The following SOX5 variants were observed in gnomAD, a reference collection of about 807,000 sequenced individuals.
SOX5 encodes the protein transcription factor SOX-5.
Under a neutral mutation model 92.0 loss-of-function variants are expected in SOX5, and 9 were observed. The observed-to-expected ratio is 0.10, with a 90% CI of 0.06 to 0.17. The LOEUF (loss-of-function observed/expected upper bound fraction) is 0.17. Ranked by LOEUF, SOX5 falls within the 10% of genes least tolerant of loss-of-function variation. The pLI is 1.00. For synonymous variants in SOX5, 344 were observed against 336.3 expected (o/e 1.02, Z -0.25); for missense variants, 642 against 944.5 (o/e 0.68, Z 4.20).
chr12:23,723,872 A>G (rs528937517), intron 6 of SOX5, among the ~76,000 whole-genome samples: 1 of 152,178 alleles, frequency 6.6e-6, no homozygotes, highest in South Asian at 2.1e-4. Flanking sequence ...CTATGTAGAT[A>G]TAAGTCTCAA....
intron 3 of SOX5, among the ~76,000 whole-genome samples, chr12:23,770,376 G>C (rs1241286965): frequency 6.6e-6 from 1 of 151,970 alleles, no homozygotes; most frequent in South Asian, 2.1e-4. Flanking sequence ...AAGGACTGTA[G>C]CCATTTATTT....
At chr12:24,288,173 A>G (rs1303764692) in intron 2 of SOX5, among the ~76,000 whole-genome samples, 1 of 152,090 alleles carries the variant, frequency 6.6e-6, no homozygotes, top group Non-Finnish European at 1.5e-5. Context: ...TTTTATTGTG[A>G]TGACTTGGAG....
intron 5 of SOX5, among the ~76,000 whole-genome samples, chr12:23,737,512 C>T (rs1445896038): frequency 6.6e-6 from 1 of 152,084 alleles, no homozygotes; most frequent in Non-Finnish European, 1.5e-5. Flanking sequence ...TGCACTCCAG[C>T]CCAGGTGACA....
chr12:24,285,102 C>T (rs1945704500), intron 2 of SOX5, among the ~76,000 whole-genome samples: 1 of 152,052 alleles, frequency 6.6e-6, no homozygotes, highest in Non-Finnish European at 1.5e-5. Flanking sequence ...CTTTGGACTA[C>T]AGCCTGGGCA....
chr12:23,855,354 A>T (rs1029346139), intron 2 of SOX5, among the ~76,000 whole-genome samples: 6 of 152,092 alleles, frequency 3.9e-5, no homozygotes, highest in African/African-American at 1.2e-4. Context: ...CCTCTGTTGC[A>T]TATTCAATTT....
intron 6 of SOX5, among the ~76,000 whole-genome samples, chr12:23,725,103 G>A (rs2093043134): frequency 6.6e-6 from 1 of 152,158 alleles, no homozygotes; most frequent in Non-Finnish European, 1.5e-5. Flanking sequence ...CAGAAAACAG[G>A]CAAATGGTAT....
intron 2 of SOX5, among the ~76,000 whole-genome samples, chr12:24,297,005 C>G (rs1947344825): frequency 6.6e-6 from 1 of 151,866 alleles, no homozygotes; most frequent in Admixed American, 6.6e-5. Context: ...ACTCATTACC[C>G]TAAACTGCCA....
At chr12:23,551,709 T>C (rs966622674) in intron 11 of SOX5, among the ~76,000 whole-genome samples, 1 of 151,866 alleles carries the variant, frequency 6.6e-6, no homozygotes, top group Non-Finnish European at 1.5e-5. Flanking sequence ...TAGTGAGATA[T>C]GAACTCAGGG....
At chr12:24,446,261 T>C (rs1351493397) in intron 1 of SOX5, among the ~76,000 whole-genome samples, 1 of 141,052 alleles carries the variant, frequency 7.1e-6, no homozygotes, top group Admixed American at 7.1e-5. Flanking sequence ...CAAAACATGG[T>C]AATATGACAG....
At chr12:24,260,045 T>C (rs1222206765) in intron 3 of SOX5, among the ~76,000 whole-genome samples, 4 of 152,178 alleles carry the variant, frequency 2.6e-5, no homozygotes, top group Non-Finnish European at 5.9e-5. Context: ...TAAATATTTC[T>C]TGGAAAGATA....
chr12:24,016,701 T>C (rs1953663044), intron 4 of SOX5, among the ~76,000 whole-genome samples: 2 of 152,224 alleles, frequency 1.3e-5, no homozygotes, highest in East Asian at 1.9e-4. Flanking sequence ...GTCCGCCTTT[T>C]GGAAATGTGG....
intron 4 of SOX5, among the ~76,000 whole-genome samples, chr12:23,748,448 C>T (rs765746490): frequency 4.6e-5 from 7 of 151,942 alleles, no homozygotes; most frequent in African/African-American, 7.2e-5. Context: ...ATGAAAATTG[C>T]TATTTCCCCA....
At chr12:24,266,869 C>G (rs1294933034) in intron 3 of SOX5, among the ~76,000 whole-genome samples, 3 of 152,140 alleles carry the variant, frequency 2.0e-5, no homozygotes, top group African/African-American at 7.2e-5. Flanking sequence ...CACAATTTTT[C>G]TTTGGTGATT....
intron 3 of SOX5, among the ~76,000 whole-genome samples, chr12:23,789,241 A>G (rs2095429907): frequency 6.6e-6 from 1 of 151,966 alleles, no homozygotes; most frequent in Non-Finnish European, 1.5e-5. Context: ...AATAAAAAAA[A>G]AAAACATTAA....
intron 1 of SOX5, among the ~76,000 whole-genome samples, chr12:24,508,255 G>A (rs1382637992): frequency 6.6e-6 from 1 of 152,118 alleles, no homozygotes; most frequent in African/African-American, 2.4e-5. Context: ...AGCAAACCTG[G>A]AGAAAAGAAG....
chr12:23,819,040 T>C (rs117779825), intron 3 of SOX5, among the ~76,000 whole-genome samples: 1 of 152,172 alleles, frequency 6.6e-6, no homozygotes, highest in East Asian at 1.9e-4. Flanking sequence ...AGGAGTATAC[T>C]CTAAAATAAC....
In SOX5 at chr12:24,432,095, T is replaced by C. The variant is rs1390761231; in HGVS notation, c.-250-63456A>G. ...CCAAAGATTGGCAGACTGGGGACACTGGGCAAGCAAGCATGCCCAGCATGA... is the reference window on the plus strand; with the variant it reads ...CCAAAGATTGGCAGACTGGGGACACCGGGCAAGCAAGCATGCCCAGCATGA... On this transcript the variant is annotated intron_variant, in intron 1 of 4. Transcript: ENST00000446891. Among the ~76,000 whole-genome samples the C allele has an allele frequency of 2.0e-5, 3 of 152,306 alleles. No individual in the cohort carries two copies. The South Asian group carries it at 6.2e-4, about 32-fold the overall frequency.
At chr12:23,542,762 C>CA (rs1942358891) in intron 13 of SOX5, among the ~76,000 whole-genome samples, 1 of 152,194 alleles carries the variant, frequency 6.6e-6, no homozygotes, top group Non-Finnish European at 1.5e-5. Context: ...CCCTCACCCC[C>CA]ACAACAAGAT....
intron 2 of SOX5, among the ~76,000 whole-genome samples, chr12:24,301,336 A>G (rs1947922258): frequency 6.6e-6 from 1 of 152,230 alleles, no homozygotes; most frequent in Admixed American, 6.5e-5. Flanking sequence ...TGGATTATTT[A>G]TGGAAAGCAT....
Sources: gnomAD v4.1 joint callset for allele counts (sites outside exome capture counted in the v4.1 genomes callset) on GRCh38, gnomAD v4.1.1 for gene constraint, MANE v1.5 for transcripts, NCBI Gene and HGNC (gene_info 2026-07-23, HGNC 2026-07-21) for gene names.